Variants in MAGI2 observed in about 807,000 individuals in gnomAD.
MAGI2 encodes membrane-associated guanylate kinase, WW and PDZ domain-containing protein 2.
In MAGI2, 35 loss-of-function variants were observed where a neutral mutation model predicts 133.3. The ratio of observed to expected loss-of-function variants is 0.26; its 90% CI spans 0.20 to 0.35. The LOEUF (loss-of-function observed/expected upper bound fraction) is 0.35. Among genes scored for constraint, MAGI2 ranks in the 10% least tolerant of loss-of-function variants. The probability of loss-of-function intolerance (pLI) is 1.00; values close to 1 mark genes in which losing one functional copy is unlikely to be tolerated. For missense variants in MAGI2, 1,636 were observed against 1,863.4 expected (o/e 0.88, Z 2.25); for synonymous variants, 729 against 710.6 (o/e 1.03, Z -0.41).
At position 78,383,441 on chromosome 7, in the gene MAGI2, C is replaced by G. The variant is rs145853783; in HGVS notation, c.1046-14228G>C. Among the ~76,000 whole-genome samples, 1,182 of 152,016 alleles carry G rather than the reference C, an allele frequency of 7.8e-3. 14 individuals carry two copies. The highest frequency in any genetic ancestry group is 0.027 in the African/African-American group (1,106 of 41,478). On this transcript the variant is annotated intron_variant, in intron 6 of 21. Transcript: ENST00000354212. ...AGAACTGTCTATTCATATCATTTGC[C>G]CACTTTTTAATGGGATTAGTTGTTT...
intron 9 of MAGI2, among the ~76,000 whole-genome samples, chr7:78,268,815 T>A (rs182250733): frequency 6.6e-6 from 1 of 152,204 alleles, no homozygotes; most frequent in African/African-American, 2.4e-5. Context: ...CTTTAAGTTC[T>A]GGGGTACATG....
intron 20 of MAGI2, among the ~76,000 whole-genome samples, chr7:78,118,910 T>C (rs1249547274): frequency 2.6e-5 from 4 of 152,240 alleles, no homozygotes; most frequent in Non-Finnish European, 5.9e-5. Flanking sequence ...CAAATATTGA[T>C]AGCAGCTCTA....
chr7:79,440,025 C>A (rs1043966679), intron 1 of MAGI2, among the ~76,000 whole-genome samples: 5 of 152,080 alleles, frequency 3.3e-5, no homozygotes, highest in Non-Finnish European at 7.4e-5. Flanking sequence ...GGAAACATTT[C>A]AAAGCTCATC....
chr7:78,512,667 A>G (rs902580319), intron 4 of MAGI2, among the ~76,000 whole-genome samples: 4 of 152,124 alleles, frequency 2.6e-5, no homozygotes, highest in Non-Finnish European at 4.4e-5. Flanking sequence ...GCCTCTCAAT[A>G]TATATGTAAC....
intron 1 of MAGI2, among the ~76,000 whole-genome samples, chr7:79,338,381 C>G (rs1277904244): frequency 3.3e-5 from 5 of 152,116 alleles, no homozygotes; most frequent in African/African-American, 1.2e-4. Flanking sequence ...AGGACTGTCA[C>G]TCATACCAGA....
chr7:78,176,367 C>T (rs184486092), intron 14 of MAGI2, among the ~76,000 whole-genome samples: 1 of 152,222 alleles, frequency 6.6e-6, no homozygotes, highest in Non-Finnish European at 1.5e-5. Context: ...CAAATTTCAT[C>T]CCCAGGAATT....
intron 21 of MAGI2, among the ~76,000 whole-genome samples, chr7:78,070,645 T>TATATA (rs1491196620): frequency 1.2e-4 from 5 of 41,576 alleles, no homozygotes; most frequent in African/African-American, 1.5e-4. Flanking sequence ...TATATATATA[T>TATATA]TTTTTTTTTT....
intron 1 of MAGI2, among the ~76,000 whole-genome samples, chr7:79,034,568 G>A (rs946307233): frequency 1.3e-5 from 2 of 152,048 alleles, no homozygotes; most frequent in Non-Finnish European, 2.9e-5. Flanking sequence ...TCATTACTAA[G>A]AAGGTGAATA....
intron 1 of MAGI2, among the ~76,000 whole-genome samples, chr7:79,306,887 T>C (rs1311724997): frequency 1.3e-5 from 2 of 151,990 alleles, no homozygotes; most frequent in African/African-American, 4.8e-5. Flanking sequence ...GATCTTGGCT[T>C]ACTGTAACCT....
At chr7:79,291,693 A>T (rs1836501608) in intron 1 of MAGI2, among the ~76,000 whole-genome samples, 1 of 152,214 alleles carries the variant, frequency 6.6e-6, no homozygotes. Context: ...TCACATGCTC[A>T]TTGGATCTGT....
intron 2 of MAGI2, among the ~76,000 whole-genome samples, chr7:78,686,686 G>A (rs561712523): frequency 5.9e-5 from 9 of 151,908 alleles, no homozygotes; most frequent in East Asian, 5.8e-4. Context: ...AAATATTGTC[G>A]AGCTGAGTGC....
intron 2 of MAGI2, among the ~76,000 whole-genome samples, chr7:78,675,400 G>C (rs1399724922): frequency 6.6e-6 from 1 of 151,978 alleles, no homozygotes; most frequent in Non-Finnish European, 1.5e-5. Context: ...GAGGAGGAAA[G>C]GAAGGAGGGA....
At chr7:79,429,388 T>C (rs569273747) in intron 1 of MAGI2, among the ~76,000 whole-genome samples, 1 of 152,198 alleles carries the variant, frequency 6.6e-6, no homozygotes, top group East Asian at 1.9e-4. Context: ...CTGCAACCTC[T>C]GCCTCTCAGG....
chr7:78,547,660 C>A (rs1231364023), intron 3 of MAGI2, among the ~76,000 whole-genome samples: 4 of 152,212 alleles, frequency 2.6e-5, no homozygotes, highest in Non-Finnish European at 4.4e-5. Context: ...CGCGCGCACA[C>A]ACACACTCAC....
intron 3 of MAGI2, chr7:78,614,529 T>C (rs1806857540): frequency 6.6e-6 from 1 of 152,264 alleles, no homozygotes; most frequent in Admixed American, 6.5e-5. Context: ...CAAAAGAATA[T>C]GCAGTTTTTA....
At chr7:78,786,979 C>A (rs1452749672) in intron 2 of MAGI2, among the ~76,000 whole-genome samples, 1 of 151,116 alleles carries the variant, frequency 6.6e-6, no homozygotes, top group Non-Finnish European at 1.5e-5. Flanking sequence ...TAGACAGAGT[C>A]TCTCTCTATT....
chr7:78,745,544 C>A (rs1159420923), intron 2 of MAGI2, among the ~76,000 whole-genome samples: 1 of 137,580 alleles, frequency 7.3e-6, no homozygotes, highest in Non-Finnish European at 1.7e-5. Flanking sequence ...AAAAAAAAAA[C>A]AACAACAACG....
chr7:79,247,729 TG>T, intron 1 of MAGI2, among the ~76,000 whole-genome samples: 2 of 152,120 alleles, frequency 1.3e-5, no homozygotes, highest in South Asian at 4.2e-4. Flanking sequence ...AAAGTTACAG[TG>T]TACAGTTTTT....
chr7:78,108,605 G>A (rs1440777152), intron 20 of MAGI2, among the ~76,000 whole-genome samples: 3 of 149,870 alleles, frequency 2.0e-5, no homozygotes, highest in African/African-American at 4.9e-5. Flanking sequence ...TATTGGGGTC[G>A]GTCTCTCTCT....
Sources: allele counts gnomAD v4.1 joint callset (sites outside exome capture counted in the v4.1 genomes callset), GRCh38; gene constraint gnomAD v4.1.1; transcripts MANE v1.5; gene names NCBI Gene and HGNC (gene_info 2026-07-23, HGNC 2026-07-21).